The following TRAF7 variants were observed in gnomAD, a reference collection of about 807,000 sequenced individuals.
The protein encoded by TRAF7 is E3 ubiquitin-protein ligase TRAF7.
In TRAF7, 45 loss-of-function variants were observed where a neutral mutation model predicts 89.3. That is an observed-to-expected ratio of 0.50 (90% CI 0.40 to 0.65). TRAF7 has a LOEUF of 0.65. Ranked by LOEUF, TRAF7 falls within the 30% of genes least tolerant of loss-of-function variation. The pLI is 0.00. For missense variants in TRAF7, 677 were observed against 918.1 expected, an observed-to-expected ratio of 0.74 and a Z score of 3.39; for synonymous variants, 406 against 369.2, an observed-to-expected ratio of 1.10 and a Z score of -1.14.
chr16:2,161,659 G>A lies in TRAF7; in HGVS notation c.-38-2224G>A, dbSNP rs767776886. 6.6e-6 allele frequency among the ~76,000 whole-genome samples: 1 copy of A among 152,180 alleles called. No individual in the cohort carries two copies. The highest frequency in any genetic ancestry group is 6.5e-5 in the Admixed American group (1 of 15,286). ...GTGATCCCCTCCCTGCTCCCAGAGG[G>A]CAGGAGCCAACCTGGGGCTCCCAAA... On this transcript the variant is annotated intron_variant, in intron 1 of 20. Transcript: ENST00000326181. The surrounding 1 kb of genome is among the most constrained non-coding windows in gnomAD (Gnocchi z 5.2).
chr16:2,173,358 A>T lies in TRAF7; in HGVS notation c.971A>T (p.Glu324Val), dbSNP rs770260336. ...CGCTCCATGCTGGGAAAGCTCTCGG[A>T]GAAGATCGACCAGCTAGAGAAGAGC... ...FLRSMLGKLSEKIDQLEKSLE... is the reference protein window; with the variant it reads ...FLRSMLGKLSVKIDQLEKSLE... Residue 324 changes from glutamate (E) to valine (V), a missense_variant, in exon 10 of 21, where the codon GAG (glutamate) becomes GTG (valine). Glu to Val is a moderately radical substitution (Grantham distance 121, BLOSUM62 -2). Around this residue, in one of 6 missense-constraint regions of TRAF7, gnomAD observed 238 missense variants for 352.6 expected, o/e 0.67. Coordinates refer to ENST00000326181, the MANE Select transcript of TRAF7 (RefSeq NM_032271.3). 4.3e-6 allele frequency: 7 copies of T among 1,613,506 alleles called. No homozygotes were observed. The highest frequency in any genetic ancestry group is 5.9e-6 in the Non-Finnish European group (7 of 1,179,992).
chr16:2,173,916 T>C lies in TRAF7; in HGVS notation c.1136-5T>C, dbSNP rs2093124637. 2 of 1,364,874 alleles carry C rather than the reference T, an allele frequency of 1.5e-6. No homozygotes were observed. Among genetic ancestry groups the C allele is most frequent in the East Asian group, 8.7e-5 (2 of 23,030 alleles). The allele number at this position is 1,364,874 out of a possible 1,614,324, so 84.5% of individuals were successfully genotyped here. ...GGCCTTCACCCACTGCTCCCATCTC[T>C]GCAGCCTACGACCCTCAGCAGATCT... On this transcript the variant is annotated splice_region_variant and splice_polypyrimidine_tract_variant and intron_variant, in intron 12 of 20. Transcript: ENST00000326181.
chr16:2,174,169 GC>G (rs1424047179), intron 13 of TRAF7, 81 bp from the exon 14 acceptor site: 7 of 1,593,514 alleles, frequency 4.4e-6, no homozygotes, highest in Non-Finnish European at 1.7e-6. Flanking sequence ...CATGGGCGGG[GC>G]TCCCTCACTC....
intron 1 of TRAF7, among the ~76,000 whole-genome samples, chr16:2,157,772 C>T (rs552657632): frequency 4.4e-4 from 67 of 152,030 alleles, no homozygotes; most frequent in African/African-American, 1.5e-3. Flanking sequence ...TCAGGCGCTG[C>T]CGGGGCTCCT....
Position 2,175,127 on chromosome 16 carries a change from G to C in TRAF7, c.1363G>C (p.Gly455Arg), listed in dbSNP as rs771290179. Residue 455 changes from glycine to arginine, a missense_variant, in exon 15 of 21, where the codon GGC becomes CGC. Transcript: ENST00000326181. ...CTTCCCCAGGTGCAAACTCTACAGC[G>C]GCTCTGCAGACTGCACCATCATTGT... ...LCIQGCKLYSGSADCTIIVWD... is the reference protein window; with the variant it reads ...LCIQGCKLYSRSADCTIIVWD... 6.2e-7 allele frequency: 1 copy of C among 1,613,832 alleles called. No homozygotes were observed. The highest frequency in any genetic ancestry group is 8.5e-7 in the Non-Finnish European group (1 of 1,179,964).
rs2093112159 is a variant in TRAF7 at position 2,171,735 on chromosome 16, G to A, written c.475+130G>A. The A allele has an allele frequency of 5.0e-6, 7 of 1,395,580 alleles. No individual in the cohort carries two copies. The Admixed American group carries it at 7.7e-5, about 15-fold the overall frequency. 86.4% of individuals were successfully genotyped at this position (1,395,580 alleles called of 1,614,324 possible). A position where few individuals can be genotyped will look rare whatever the true frequency, so the allele number is the denominator to read the frequency against. ...TGGCCTCTGCTGGGGTTGGGATGGG[G>A]CTGCAGCCGTCCTAGGGACGCTCAG... On this transcript the variant is annotated intron_variant, in intron 7 of 20. Coordinates refer to ENST00000326181, the MANE Select transcript of TRAF7 (RefSeq NM_032271.3).
intron 3 of TRAF7, among the ~76,000 whole-genome samples, chr16:2,167,002 C>T (rs946792360): frequency 2.6e-5 from 4 of 152,204 alleles, no homozygotes; most frequent in Non-Finnish European, 5.9e-5. Flanking sequence ...TAAACCTGGC[C>T]ATGGGGTCAT....
intron 3 of TRAF7, among the ~76,000 whole-genome samples, chr16:2,166,384 G>T (rs1349311161): frequency 6.6e-6 from 1 of 152,190 alleles, no homozygotes; most frequent in Non-Finnish European, 1.5e-5. Flanking sequence ...TTAATAGGAA[G>T]GGAGGGAGAG....
In TRAF7 at chr16:2,158,386, C is replaced by T. The variant is rs2093044488; in HGVS notation, c.-39+2528C>T. Among the ~76,000 whole-genome samples the T allele has an allele frequency of 2.0e-5, 3 of 152,316 alleles. No individual in the cohort carries two copies. The South Asian group carries it at 6.2e-4, about 32-fold the overall frequency. ...GGAAAGCGGGCACTGGAGGCTGGGG[C>T]TGGTCACGTGTAGACCCGGACACCC... On this transcript the variant is annotated intron_variant, in intron 1 of 20. Coordinates refer to ENST00000326181, the MANE Select transcript of TRAF7 (RefSeq NM_032271.3). This position sits in a 1 kb window ranked among gnomAD's most constrained non-coding sequence, Gnocchi z 4.7.
intron 11 of TRAF7, 57 bp downstream of exon 11, chr16:2,173,611 C>T (rs939246522): frequency 1.3e-5 from 20 of 1,598,356 alleles, no homozygotes; most frequent in African/African-American, 2.7e-5. Flanking sequence ...CCGGCGGCCC[C>T]GGCAGGGAGG....
In TRAF7 at chr16:2,165,546, G is replaced by A. The variant is rs558336444; in HGVS notation, c.82-333G>A. On this transcript the variant is annotated intron_variant, in intron 2 of 20. Transcript: ENST00000326181. ...GAGTGCTGCGTGGCCTGGCCTGGTC[G>A]CATGGTTTAGCGTGTTAGTGCTGCG... is the stretch of plus-strand genomic sequence containing the variant. Among the ~76,000 whole-genome samples, 261 of 131,482 alleles carry A rather than the reference G, an allele frequency of 2.0e-3. 4 individuals carry two copies. The highest frequency in any genetic ancestry group is 4.2e-3 in the Admixed American group (57 of 13,598). The allele number at this position is 131,482 out of a possible 152,430, so 86.3% of individuals were successfully genotyped here.
chr16:2,175,652 G>C (rs2141295684), intron 17 of TRAF7, 30 bp downstream of exon 17: 1 of 1,605,270 alleles, frequency 6.2e-7, no homozygotes, highest in Non-Finnish European at 8.5e-7. Context: ...GTGGCCACAG[G>C]GCCTTGCCTC....
intron 1 of TRAF7, among the ~76,000 whole-genome samples, chr16:2,157,874 G>A (rs369529888): frequency 2.0e-5 from 3 of 152,178 alleles, no homozygotes; most frequent in Non-Finnish European, 2.9e-5. Context: ...CGGCCTCTCC[G>A]CCTTCCTCAG....
At chr16:2,171,541 C>T in intron 6 of TRAF7, 31 bp from the exon 7 acceptor site, 1 of 1,613,114 alleles carries the variant, frequency 6.2e-7, no homozygotes, top group Non-Finnish European at 8.5e-7. Flanking sequence ...GGACCCTGCG[C>T]CACCCTCAAG....
chr16:2,158,161 G>C lies in TRAF7; in HGVS notation c.-39+2303G>C, dbSNP rs926385198. ...AGGGAGGGCATGTGGGGAGGGCCGAGAGCTGTTGGCTGCGTGTGTCTCAGT... is the reference window on the plus strand; with the variant it reads ...AGGGAGGGCATGTGGGGAGGGCCGACAGCTGTTGGCTGCGTGTGTCTCAGT... On this transcript the variant is annotated intron_variant, in intron 1 of 20. Transcript: ENST00000326181. This position sits in a 1 kb window ranked among gnomAD's most constrained non-coding sequence, Gnocchi z 4.7. 6.6e-6 allele frequency among the ~76,000 whole-genome samples: 1 copy of C among 152,192 alleles called. No individual in the cohort carries two copies. The highest frequency in any genetic ancestry group is 1.5e-5 in the Non-Finnish European group (1 of 68,028).
Position 2,170,526 on chromosome 16 carries a change from C to T in TRAF7, c.232-88C>T. On this transcript the variant is annotated intron_variant, in intron 4 of 20. Coordinates refer to ENST00000326181, the MANE Select transcript of TRAF7 (RefSeq NM_032271.3). The stretch of plus-strand genomic sequence containing the variant: ...GGGTGGCCCCAGGGGTGCTGCTGCC[C>T]TCGCGCTTCCGCCGGGCTGGGTCCT... The T allele has an allele frequency of 4.1e-6, 4 of 981,694 alleles. No homozygotes were observed. In the African/African-American group the frequency reaches 4.8e-5, roughly 12 times the overall value. 60.8% of individuals were successfully genotyped at this position (981,694 alleles called of 1,614,324 possible). A position where few individuals can be genotyped will look rare whatever the true frequency, so the allele number is the denominator to read the frequency against.
intron 7 of TRAF7, 143 bp downstream of exon 7, chr16:2,171,748 T>A: frequency 7.8e-7 from 1 of 1,279,852 alleles, no homozygotes; most frequent in Non-Finnish European, 1.1e-6. Flanking sequence ...GCAGCCGTCC[T>A]AGGGACGCTC....
At chr16:2,174,379 C>A in intron 14 of TRAF7, 46 bp downstream of exon 14, 1 of 1,585,982 alleles carries the variant, frequency 6.3e-7, no homozygotes, top group Admixed American at 1.7e-5. Context: ...GGACAGGAGA[C>A]GTGGCGCTGC....
chr16:2,160,194 C>A (rs1260420186), intron 1 of TRAF7, among the ~76,000 whole-genome samples: 1 of 152,016 alleles, frequency 6.6e-6, no homozygotes, highest in African/African-American at 2.4e-5. Context: ...GCCTGAATCC[C>A]AGATTCAGGC....
Sources: gnomAD v4.1 joint callset for allele counts (sites outside exome capture counted in the v4.1 genomes callset) on GRCh38, gnomAD v4.1.1 for gene constraint, gnomAD v4.1.1 regional missense constraint, Gnocchi (gnomAD v3.1) non-coding constraint, MANE v1.5 for transcripts, NCBI Gene and HGNC (gene_info 2026-07-23, HGNC 2026-07-21) for gene names.